NR2F1-AS1: variants seen among roughly 807,000 people sequenced by gnomAD.
NR2F1-AS1 encodes NR2F1 antisense RNA 1.
At chr5:93,482,048 T>C (rs1750611063) in intron 4 of NR2F1-AS1, among the ~76,000 whole-genome samples, 1 of 150,920 alleles carries the variant, frequency 6.6e-6, no homozygotes, top group African/African-American at 2.4e-5. Flanking sequence ...ATAATAAAGA[T>C]TAGAGAAAAG....
intron 4 of NR2F1-AS1, among the ~76,000 whole-genome samples, chr5:93,550,555 G>C (rs2149911978): frequency 6.6e-6 from 1 of 152,300 alleles, no homozygotes; most frequent in East Asian, 1.9e-4. Context: ...ACTAGGCTCA[G>C]GCAACTGCCC....
chr5:93,517,570 G>C (rs1366930409), intron 4 of NR2F1-AS1, among the ~76,000 whole-genome samples: 1 of 151,688 alleles, frequency 6.6e-6, no homozygotes. Flanking sequence ...AGATATTTCA[G>C]ACTAAAAAAT....
intron 1 of NR2F1-AS1, among the ~76,000 whole-genome samples, chr5:93,574,933 GA>G (rs1752862853): frequency 6.6e-6 from 1 of 152,196 alleles, no homozygotes; most frequent in Non-Finnish European, 1.5e-5. Context: ...GTTCAGAATT[GA>G]GGGTGGGAAG....
intron 4 of NR2F1-AS1, among the ~76,000 whole-genome samples, chr5:93,536,329 C>A (rs1316437471): frequency 6.6e-6 from 1 of 152,004 alleles, no homozygotes; most frequent in African/African-American, 2.4e-5. Flanking sequence ...TGTTCATAGA[C>A]TGGAAGAATA....
intron 4 of NR2F1-AS1, among the ~76,000 whole-genome samples, chr5:93,521,735 A>T (rs1488856414): frequency 2.6e-5 from 4 of 152,242 alleles, no homozygotes; most frequent in Non-Finnish European, 5.9e-5. Flanking sequence ...GAGGTTGTGG[A>T]GAAAAGGGAA....
chr5:93,510,733 T>C (rs1561475803), intron 4 of NR2F1-AS1, among the ~76,000 whole-genome samples: 4 of 152,158 alleles, frequency 2.6e-5, no homozygotes, highest in African/African-American at 4.8e-5. Flanking sequence ...CATCAATTCA[T>C]TCAGTGTTCT....
intron 1 of NR2F1-AS1, among the ~76,000 whole-genome samples, chr5:93,564,019 G>A (rs191707657): frequency 6.2e-5 from 9 of 145,620 alleles, no homozygotes; most frequent in African/African-American, 2.0e-4. Context: ...AGAGAAAGGC[G>A]TGAACCCAGG....
At chr5:93,530,625 T>G (rs1751716871) in intron 4 of NR2F1-AS1, among the ~76,000 whole-genome samples, 1 of 152,190 alleles carries the variant, frequency 6.6e-6, no homozygotes, top group African/African-American at 2.4e-5. Flanking sequence ...AACTGCCCCC[T>G]CTTAAAATGG....
intron 4 of NR2F1-AS1, among the ~76,000 whole-genome samples, chr5:93,526,693 T>C (rs1432204802): frequency 6.6e-6 from 1 of 152,098 alleles, no homozygotes; most frequent in Non-Finnish European, 1.5e-5. Flanking sequence ...TGGTTCAACA[T>C]ATGCAAATCA....
intron 4 of NR2F1-AS1, among the ~76,000 whole-genome samples, chr5:93,473,043 C>T (rs1750402426): frequency 6.6e-6 from 1 of 151,732 alleles, no homozygotes; most frequent in Non-Finnish European, 1.5e-5. Flanking sequence ...AAGTTAAGGC[C>T]CATGTGTCAT....
At chr5:93,532,889 A>T (rs1358291194) in intron 4 of NR2F1-AS1, among the ~76,000 whole-genome samples, 2 of 152,250 alleles carry the variant, frequency 1.3e-5, no homozygotes, top group Non-Finnish European at 2.9e-5. Context: ...CACAAATGGT[A>T]TAAGTCATGG....
intron 4 of NR2F1-AS1, among the ~76,000 whole-genome samples, chr5:93,511,865 C>T (rs1430187952): frequency 6.6e-6 from 1 of 152,120 alleles, no homozygotes; most frequent in African/African-American, 2.4e-5. Flanking sequence ...TGAGGTGGAA[C>T]AGTTTCATCT....
chr5:93,443,496 A>G (rs1749621660), intron 4 of NR2F1-AS1, among the ~76,000 whole-genome samples: 1 of 152,180 alleles, frequency 6.6e-6, no homozygotes, highest in Non-Finnish European at 1.5e-5. Context: ...AGAAGTTTAG[A>G]GAAAAAAAGA....
At chr5:93,448,709 G>A (rs1292287882) in intron 4 of NR2F1-AS1, among the ~76,000 whole-genome samples, 1 of 152,220 alleles carries the variant, frequency 6.6e-6, no homozygotes, top group Non-Finnish European at 1.5e-5. Context: ...GGCATGAAAA[G>A]ACCACTGTTC....
chr5:93,506,702 T>G (rs981134443), intron 4 of NR2F1-AS1, among the ~76,000 whole-genome samples: 2 of 152,066 alleles, frequency 1.3e-5, no homozygotes, highest in Non-Finnish European at 2.9e-5. Context: ...GATAATAGCA[T>G]GGGAAGGACC....
chr5:93,452,082 T>C (rs990210383), intron 4 of NR2F1-AS1, among the ~76,000 whole-genome samples: 1 of 152,226 alleles, frequency 6.6e-6, no homozygotes, highest in Non-Finnish European at 1.5e-5. Context: ...GAACAGTCTC[T>C]ATTAAGAAAT....
chr5:93,487,195 G>C (rs568146664), intron 4 of NR2F1-AS1, among the ~76,000 whole-genome samples: 1 of 152,238 alleles, frequency 6.6e-6, no homozygotes, highest in African/African-American at 2.4e-5. Flanking sequence ...ACAAGATAAG[G>C]ATACCCTCTC....
chr5:93,511,365 T>C (rs769877887), intron 4 of NR2F1-AS1, among the ~76,000 whole-genome samples: 2 of 152,150 alleles, frequency 1.3e-5, no homozygotes, highest in Non-Finnish European at 2.9e-5. Flanking sequence ...GCTCACCTGG[T>C]TCTCAGTCCT....
intron 4 of NR2F1-AS1, chr5:93,541,945 T>C (rs1480746792): frequency 6.6e-6 from 1 of 151,780 alleles, no homozygotes; most frequent in Non-Finnish European, 1.5e-5. Flanking sequence ...GAACAAGAGA[T>C]CAAAATTTTA....
Sources: allele counts gnomAD v4.1 joint callset (sites outside exome capture counted in the v4.1 genomes callset), GRCh38; gene constraint gnomAD v4.1.1; transcripts MANE v1.5; gene names NCBI Gene and HGNC (gene_info 2026-07-23, HGNC 2026-07-21).